SCN2A: variants seen among roughly 807,000 people sequenced by gnomAD.
SCN2A encodes the protein sodium channel protein type 2 subunit alpha.
SCN2A carries 20 observed loss-of-function variants against 188.7 expected under a neutral mutation model. That is an observed-to-expected ratio of 0.11 (90% CI 0.07 to 0.15). The LOEUF is 0.15. Among genes scored for constraint, SCN2A ranks in the 10% least tolerant of loss-of-function variants. SCN2A has a pLI of 1.00. For missense variants in SCN2A, 1,278 were observed against 2,445.0 expected (o/e 0.52, Z 10.07); for synonymous variants, 804 against 833.1 (o/e 0.97, Z 0.60).
At chr2:165,345,046 G>A in intron 16 of SCN2A, 135 bp downstream of exon 16, 1 of 1,103,676 alleles carries the variant, frequency 9.1e-7, no homozygotes, top group East Asian at 2.5e-5. Flanking sequence ...GACTGTAAGA[G>A]CCATGTATAG....
At chr2:165,278,244 T>C (rs1157384304) in intron 1 of SCN2A, among the ~76,000 whole-genome samples, 2 of 152,196 alleles carry the variant, frequency 1.3e-5, no homozygotes, top group African/African-American at 2.4e-5. Context: ...TGGTAGAGTA[T>C]ATTAGTCCAT....
At chr2:165,283,482 GC>G (rs1695673528) in intron 1 of SCN2A, among the ~76,000 whole-genome samples, 1 of 152,202 alleles carries the variant, frequency 6.6e-6, no homozygotes, top group African/African-American at 2.4e-5. Context: ...CATCCTCCAT[GC>G]CTGGGATAAG....
chr2:165,245,358 T>C (rs1017582160), intron 1 of SCN2A: 1 of 152,224 alleles, frequency 6.6e-6, no homozygotes, highest in Non-Finnish European at 1.5e-5. Context: ...TTGACACTTC[T>C]CTGTCCTGAC....
chr2:165,254,563 G>A (rs1694237880), intron 1 of SCN2A, among the ~76,000 whole-genome samples: 1 of 151,594 alleles, frequency 6.6e-6, no homozygotes, highest in African/African-American at 2.4e-5. Flanking sequence ...AAACTCACCT[G>A]TAAACATGTT....
chr2:165,324,329 GA>G (rs1460608219), intron 12 of SCN2A, among the ~76,000 whole-genome samples: 2 of 152,142 alleles, frequency 1.3e-5, no homozygotes, highest in East Asian at 1.9e-4. Flanking sequence ...GTCTTCTTAT[GA>G]TTTTTTTTTC....
Position 165,367,382 on chromosome 2 carries a change from C to T in SCN2A, c.3675+11C>T. On this transcript the variant is annotated intron_variant, in intron 19 of 26. Transcript: ENST00000375437. ...AGCAGTGGGGCTCTGGTAGGTGATGCATGATCCACTCCTTCACCTTTCATC... is the reference window on the plus strand; with the variant it reads ...AGCAGTGGGGCTCTGGTAGGTGATGTATGATCCACTCCTTCACCTTTCATC... 1.2e-6 allele frequency: 2 copies of T among 1,613,558 alleles called. No individual in the cohort carries two copies. The highest frequency in any genetic ancestry group is 1.1e-5 in the South Asian group (1 of 91,072).
At chr2:165,342,210 A>G in intron 14 of SCN2A, 86 bp from the exon 15 acceptor site, 1 of 1,272,446 alleles carries the variant, frequency 7.9e-7, no homozygotes, top group Non-Finnish European at 1.1e-6. Flanking sequence ...TTTAATTTAT[A>G]TTTGTTGGGA....
chr2:165,320,512 AG>A (rs1290529670), intron 11 of SCN2A: 1 of 152,250 alleles, frequency 6.6e-6, no homozygotes. Flanking sequence ...GCCTTGGCAG[AG>A]GTTCTCCATG....
chr2:165,240,145 A>T (rs1323546825), intron 1 of SCN2A: 2 of 152,170 alleles, frequency 1.3e-5, no homozygotes, highest in Admixed American at 1.3e-4. Flanking sequence ...TACCTCTTAG[A>T]AATAATACGT....
At chr2:165,282,854 A>T (rs1695640639) in intron 1 of SCN2A, among the ~76,000 whole-genome samples, 1 of 152,232 alleles carries the variant, frequency 6.6e-6, no homozygotes, top group African/African-American at 2.4e-5. Context: ...TGGATCCAAG[A>T]TATATTTTGA....
chr2:165,316,715 C>G lies in SCN2A; in HGVS notation c.1671+957C>G, dbSNP rs114781283. Among the ~76,000 whole-genome samples the G allele has an allele frequency of 7.7e-3, 1,177 of 152,278 alleles. 22 individuals are homozygous for G. The highest frequency in any genetic ancestry group is 0.026 in the African/African-American group (1,087 of 41,548). ...ATATGTGAAGAGAAGCAGGGGGCTG[C>G]ATTCTTTGTTGAGTACCTATTTTAT... On this transcript the variant is annotated intron_variant, in intron 11 of 26. Transcript: ENST00000375437.
At chr2:165,320,769 A>G (rs1427864445) in intron 11 of SCN2A, among the ~76,000 whole-genome samples, 2 of 152,180 alleles carry the variant, frequency 1.3e-5, no homozygotes, top group Non-Finnish European at 2.9e-5. Context: ...CCTAGGCTGC[A>G]CACAGCGTGG....
Position 165,315,551 on chromosome 2 carries a change from A to C in SCN2A, c.1464A>C (p.Ser488=). 1 of 1,614,074 alleles carries C rather than the reference A, an allele frequency of 6.2e-7. No individual in the cohort carries two copies. Among genetic ancestry groups the C allele is most frequent in the Non-Finnish European group, 8.5e-7 (1 of 1,179,952 alleles). ...TAGGAGTTTTTTCAGAGAGTTCTTC[A>C]GTAGCATCTAAGTTGAGCTCCAAAA... ...GGIGVFSESS[S]VASKLSSKSE... Residue 488 remains serine (S), a synonymous_variant, in exon 11 of 27, where the codon TCA becomes TCC. Transcript: ENST00000375437.
intron 11 of SCN2A, among the ~76,000 whole-genome samples, chr2:165,317,116 A>T (rs1446392242): frequency 6.6e-6 from 1 of 152,126 alleles, no homozygotes; most frequent in Non-Finnish European, 1.5e-5. Flanking sequence ...ATATATATAA[A>T]TTTTTTTAGG....
chr2:165,317,968 G>C (rs1055654477), intron 11 of SCN2A, among the ~76,000 whole-genome samples: 10 of 151,940 alleles, frequency 6.6e-5, no homozygotes, highest in African/African-American at 2.4e-4. Context: ...AGAGAGGAGA[G>C]ACAGAAAACC....
chr2:165,370,950 G>A (rs922758225), intron 20 of SCN2A: 1 of 152,632 alleles, frequency 6.6e-6, no homozygotes, highest in African/African-American at 2.4e-5. Context: ...TACATTAACA[G>A]TCTCTGGCAA....
At chr2:165,334,596 A>G (rs1698884217) in intron 14 of SCN2A, among the ~76,000 whole-genome samples, 1 of 151,862 alleles carries the variant, frequency 6.6e-6, no homozygotes, top group Non-Finnish European at 1.5e-5. Flanking sequence ...AACACTCAGC[A>G]AACTTGAAAT....
chr2:165,336,628 T>C (rs1699007356), intron 14 of SCN2A, among the ~76,000 whole-genome samples: 1 of 151,962 alleles, frequency 6.6e-6, no homozygotes, highest in African/African-American at 2.4e-5. Flanking sequence ...AGCTTCTTTT[T>C]AAGGCGATGA....
intron 3 of SCN2A, among the ~76,000 whole-genome samples, chr2:165,297,392 C>T (rs974365912): frequency 6.6e-5 from 10 of 152,184 alleles, no homozygotes; most frequent in African/African-American, 2.4e-4. Context: ...AATTGCTTGC[C>T]ACATCCCAAG....
Sources: gnomAD v4.1 joint callset for allele counts (sites outside exome capture counted in the v4.1 genomes callset) on GRCh38, gnomAD v4.1.1 for gene constraint, MANE v1.5 for transcripts, NCBI Gene and HGNC (gene_info 2026-07-23, HGNC 2026-07-21) for gene names.